CCDC33: variants seen among roughly 807,000 people sequenced by gnomAD.
The protein encoded by CCDC33 is coiled-coil domain containing 33, also known as coiled-coil domain-containing protein 33.
In CCDC33, 94 loss-of-function variants were observed where a neutral mutation model predicts 91.9. The ratio of observed to expected loss-of-function variants is 1.02; its 90% CI spans 0.87 to 1.21. CCDC33 has a LOEUF of 1.21. Ranked by LOEUF, CCDC33 falls within the 50% of genes most tolerant of loss-of-function variation. The probability of loss-of-function intolerance (pLI) is 0.00; values close to 1 mark genes in which losing one functional copy is unlikely to be tolerated. For synonymous variants in CCDC33, 396 were observed against 374.5 expected (o/e 1.06, Z -0.66); for missense variants, 940 against 935.5 (o/e 1.00, Z -0.06).
chr15:74,329,586 C>T (rs1227995163), intron 11 of CCDC33, among the ~76,000 whole-genome samples: 1 of 152,206 alleles, frequency 6.6e-6, no homozygotes, highest in East Asian at 1.9e-4. Flanking sequence ...ATGGCTGACT[C>T]CAGCCCCCAG....
At position 74,330,187 on chromosome 15, in the gene CCDC33, A is replaced by G; in HGVS notation, c.1291-2A>G. ...CTCAGCTCTGGGCTCTGGGATCCAC[A>G]GGAGATGAACAACTACCGGCGGGCC... On this transcript the variant is annotated splice_acceptor_variant, in intron 11 of 18. Transcript: ENST00000398814. LOFTEE classifies it high-confidence loss of function. 6.2e-7 allele frequency: 1 copy of G among 1,600,802 alleles called. No individual in the cohort carries two copies. Among genetic ancestry groups the G allele is most frequent in the South Asian group, 1.1e-5 (1 of 89,526 alleles).
intron 1 of CCDC33, among the ~76,000 whole-genome samples, chr15:74,238,307 C>G (rs1280803248): frequency 6.6e-6 from 1 of 151,460 alleles, no homozygotes; most frequent in East Asian, 1.9e-4. Flanking sequence ...ACTCGGGAGG[C>G]TGAGACAGGA....
At chr15:74,331,844 A>C (rs1329629736) in intron 15 of CCDC33, among the ~76,000 whole-genome samples, 1 of 152,192 alleles carries the variant, frequency 6.6e-6, no homozygotes, top group Non-Finnish European at 1.5e-5. Context: ...AGCCTGGCCA[A>C]CATGGTGAAA....
chr15:74,292,994 A>G (rs1031144551), intron 10 of CCDC33, among the ~76,000 whole-genome samples: 3 of 152,230 alleles, frequency 2.0e-5, no homozygotes, highest in Non-Finnish European at 2.9e-5. Context: ...TAAATTTCAG[A>G]ATCCACATAC....
Position 74,218,797 on chromosome 15 carries a change from C to G in CCDC33, c.611C>G (p.Pro204Arg), listed in dbSNP as rs555160887. ...CCTCAGCCTCCAGTCTCAGACAGCC[C>G]TCCCAGGGCTGGCCAGCCAGAACTG... The change falls in exon 2 of 3, where the codon CCT becomes CGT. Residue 204 changes from proline to arginine, a missense_variant. Coordinates refer to the CCDC33 transcript ENST00000635913. The surrounding 1 kb of genome is among the most constrained non-coding windows in gnomAD (Gnocchi z 4.8). 98 of 1,286,046 alleles carry G rather than the reference C, an allele frequency of 7.6e-5. No individual in the cohort carries two copies. Among genetic ancestry groups the G allele is most frequent in the Non-Finnish European group, 9.7e-5 (96 of 986,622 alleles). 79.7% of individuals were successfully genotyped at this position (1,286,046 alleles called of 1,614,324 possible).
chr15:74,221,243 T>TTTTTAA, intron 2 of CCDC33: 1 of 594,154 alleles, frequency 1.7e-6, no homozygotes, highest in Non-Finnish European at 2.0e-6. Context: ...TTTTTTTTTT[T>TTTTTAA]CACCAGAACT....
upstream of CCDC33, among the ~76,000 whole-genome samples, chr15:74,234,840 G>C: frequency 6.6e-6 from 1 of 152,242 alleles, no homozygotes; most frequent in Non-Finnish European, 1.5e-5. Context: ...GTGAGGCTCT[G>C]TGTCGGGAGC....
intron 3 of CCDC33, among the ~76,000 whole-genome samples, chr15:74,265,445 A>G (rs1048754465): frequency 1.3e-5 from 2 of 151,950 alleles, no homozygotes; most frequent in Non-Finnish European, 2.9e-5. Context: ...GAAATCATAG[A>G]CTTCCAGAAT....
chr15:74,221,215 G>GTTT, intron 2 of CCDC33: 2 of 797,240 alleles, frequency 2.5e-6, no homozygotes, highest in Non-Finnish European at 2.9e-6. Flanking sequence ...GTGTGGCACT[G>GTTT]GTTTTTTTTT....
intron 6 of CCDC33, 112 bp from the exon 7 acceptor site, chr15:74,272,659 A>G: frequency 7.0e-7 from 1 of 1,421,534 alleles, no homozygotes; most frequent in Non-Finnish European, 9.5e-7. Context: ...ACTCGGCGGG[A>G]TCCCTGCAAC....
chr15:74,316,929 C>T lies in CCDC33; in HGVS notation c.1291-13260C>T, dbSNP rs1333883214. Among the ~76,000 whole-genome samples the T allele has an allele frequency of 6.6e-6, 1 of 152,212 alleles. No individual in the cohort carries two copies. The highest frequency in any genetic ancestry group is 1.9e-4 in the East Asian group (1 of 5,200). On this transcript the variant is annotated intron_variant, in intron 11 of 18. Transcript: ENST00000398814. This position sits in a 1 kb window ranked among gnomAD's most constrained non-coding sequence, Gnocchi z 4.7. The stretch of plus-strand genomic sequence containing the variant: ...GTTAAGTGACCTGTCCAAAGTCACA[C>T]AGCTGCTTAGTAACAGAGCCCACTA...
At chr15:74,329,281 C>T (rs568132695) in intron 11 of CCDC33, among the ~76,000 whole-genome samples, 7 of 152,136 alleles carry the variant, frequency 4.6e-5, no homozygotes, top group African/African-American at 1.7e-4. Flanking sequence ...TGTGAAGTGT[C>T]CACATATGGA....
At chr15:74,333,019 T>G in intron 16 of CCDC33, 174 bp downstream of exon 16, 2 of 790,110 alleles carry the variant, frequency 2.5e-6, no homozygotes, top group Non-Finnish European at 4.0e-6. Flanking sequence ...TCCTGCGGAA[T>G]GTGTGTCCCC....
At chr15:74,222,411 TC>T (rs1381338796) in intron 2 of CCDC33, among the ~76,000 whole-genome samples, 1 of 44 alleles carries the variant, frequency 0.023, no homozygotes, top group African/African-American at 0.071. Flanking sequence ...GGTGCACTGC[TC>T]CTCCCTCCCC....
At chr15:74,279,247 G>A (rs1566993384) in intron 7 of CCDC33, among the ~76,000 whole-genome samples, 2 of 152,166 alleles carry the variant, frequency 1.3e-5, no homozygotes, top group South Asian at 4.1e-4. Context: ...AAGAAATCAG[G>A]GCACTTGGAC....
Position 74,262,519 on chromosome 15 carries a change from A to T in CCDC33, c.265A>T (p.Ile89Phe). Reference sequence around the variant, plus strand: ...GACCTCAGAGCCCACCAGAGCCCCTATCTGGGGGGACACGGTGAATGTGGA... The same window carrying T: ...GACCTCAGAGCCCACCAGAGCCCCTTTCTGGGGGGACACGGTGAATGTGGA... Reference protein sequence around the residue: ...SVTSEPTRAPIWGDTVNVEIQ... With the variant: ...SVTSEPTRAPFWGDTVNVEIQ... Residue 89 changes from isoleucine (I) to phenylalanine (F), a missense_variant, in exon 3 of 19, where the codon ATC (isoleucine) becomes TTC (phenylalanine). Transcript: ENST00000398814. 6.2e-7 allele frequency: 1 copy of T among 1,613,910 alleles called. No individual in the cohort carries two copies. Among genetic ancestry groups the T allele is most frequent in the Non-Finnish European group, 8.5e-7 (1 of 1,179,926 alleles).
upstream of CCDC33, chr15:74,217,186 AG>A (rs1179731068): frequency 9.6e-7 from 1 of 1,044,840 alleles, no homozygotes; most frequent in Non-Finnish European, 1.2e-6. Context: ...CTGAGCACCC[AG>A]CCTGCAGGCT....
intron 11 of CCDC33, among the ~76,000 whole-genome samples, chr15:74,326,919 G>A (rs1378111064): frequency 3.3e-5 from 5 of 152,194 alleles, no homozygotes; most frequent in Admixed American, 2.6e-4. Context: ...GGGTTGGGGA[G>A]GCCCAGCTCC....
At chr15:74,207,739 G>A (rs77704192) in intron 1 of CCDC33, 20 of 1,535,618 alleles carry the variant, frequency 1.3e-5, no homozygotes, top group East Asian at 4.9e-5. Context: ...ATAAGCAGCC[G>A]AGAGAGTCAA....
Sources: allele counts gnomAD v4.1 joint callset (sites outside exome capture counted in the v4.1 genomes callset), GRCh38; gene constraint gnomAD v4.1.1; non-coding constraint Gnocchi (gnomAD v3.1); transcripts MANE v1.5; gene names NCBI Gene and HGNC (gene_info 2026-07-23, HGNC 2026-07-21).